Variants in PARD3B observed in about 807,000 individuals in gnomAD.
PARD3B encodes par-3 family cell polarity regulator beta.
A neutral mutation model predicts 130.2 loss-of-function variants in PARD3B; 103 were observed. The observed-to-expected ratio is 0.79, with a 90% CI of 0.67 to 0.93. PARD3B has a LOEUF of 0.93. Among genes scored for constraint, PARD3B ranks in the 40% least tolerant of loss-of-function variants. The pLI is 0.00. For synonymous variants in PARD3B, 583 were observed against 553.2 expected (o/e 1.05, Z -0.76); for missense variants, 1,609 against 1,499.2 (o/e 1.07, Z -1.21).
intron 18 of PARD3B, among the ~76,000 whole-genome samples, chr2:205,374,095 G>T (rs753555361): frequency 6.7e-6 from 1 of 150,224 alleles, no homozygotes; most frequent in Non-Finnish European, 1.5e-5. Flanking sequence ...ATAGAGGTTT[G>T]AAAGCAAAAG....
chr2:204,867,045 G>A (rs1421522163), intron 2 of PARD3B, among the ~76,000 whole-genome samples: 1 of 151,742 alleles, frequency 6.6e-6, no homozygotes, highest in Non-Finnish European at 1.5e-5. Context: ...GTCCAGCCTG[G>A]GCAATGATAG....
intron 1 of PARD3B, among the ~76,000 whole-genome samples, chr2:204,614,420 C>A (rs1271691446): frequency 6.6e-6 from 1 of 152,064 alleles, no homozygotes; most frequent in African/African-American, 2.4e-5. Flanking sequence ...TGACTAGTCA[C>A]CACCATGTGG....
At chr2:204,900,942 T>C (rs1182785610) in intron 2 of PARD3B, among the ~76,000 whole-genome samples, 3 of 152,174 alleles carry the variant, frequency 2.0e-5, no homozygotes, top group Non-Finnish European at 4.4e-5. Context: ...GCAGGGACTC[T>C]TTCTCTTCCC....
At chr2:205,204,382 G>T (rs1446589811) in intron 15 of PARD3B, among the ~76,000 whole-genome samples, 1 of 152,010 alleles carries the variant, frequency 6.6e-6, no homozygotes, top group African/African-American at 2.4e-5. Flanking sequence ...GCAAAAATTT[G>T]TTCCCATTCT....
At chr2:205,041,216 C>G (rs535758057) in intron 3 of PARD3B, among the ~76,000 whole-genome samples, 1 of 152,228 alleles carries the variant, frequency 6.6e-6, no homozygotes, top group South Asian at 2.1e-4. Flanking sequence ...GCTTCATATT[C>G]ATCTTTGTGA....
chr2:205,494,343 C>CACCT (rs879452679), intron 20 of PARD3B, among the ~76,000 whole-genome samples: 1 of 152,046 alleles, frequency 6.6e-6, no homozygotes, highest in Non-Finnish European at 1.5e-5. Flanking sequence ...TGGTAGTGAC[C>CACCT]ACCTCCCTCT....
intron 16 of PARD3B, among the ~76,000 whole-genome samples, chr2:205,250,660 G>T (rs1401766632): frequency 1.3e-5 from 2 of 152,126 alleles, no homozygotes; most frequent in African/African-American, 4.8e-5. Flanking sequence ...TGGGCATGGT[G>T]GCTCACACCT....
chr2:205,441,130 T>C (rs1012705177), intron 20 of PARD3B, among the ~76,000 whole-genome samples: 2 of 152,098 alleles, frequency 1.3e-5, no homozygotes, highest in Non-Finnish European at 2.9e-5. Context: ...CTTTGAAAAG[T>C]AAGATGGGGG....
chr2:204,898,376 T>C (rs1559238863), intron 2 of PARD3B, among the ~76,000 whole-genome samples: 1 of 152,124 alleles, frequency 6.6e-6, no homozygotes, highest in Non-Finnish European at 1.5e-5. Context: ...TGTTGTGCTA[T>C]CAAATACTAG....
chr2:204,706,288 A>G (rs937563345), intron 2 of PARD3B, among the ~76,000 whole-genome samples: 4 of 151,244 alleles, frequency 2.6e-5, no homozygotes, highest in Admixed American at 2.0e-4. Flanking sequence ...AATCGCTTGA[A>G]CCTAGGAGGC....
intron 2 of PARD3B, among the ~76,000 whole-genome samples, chr2:204,892,533 A>G (rs1256697942): frequency 3.9e-5 from 6 of 152,186 alleles, no homozygotes; most frequent in Admixed American, 3.9e-4. Context: ...ACACACATGG[A>G]TTTTGAAGAT....
intron 2 of PARD3B, among the ~76,000 whole-genome samples, chr2:204,928,764 C>T (rs1687819651): frequency 6.6e-6 from 1 of 152,072 alleles, no homozygotes; most frequent in East Asian, 1.9e-4. Flanking sequence ...TTCTTTCATA[C>T]TTCTTTCTGA....
chr2:204,752,837 A>T (rs554960221), intron 2 of PARD3B, among the ~76,000 whole-genome samples: 30 of 152,204 alleles, frequency 2.0e-4, no homozygotes, highest in African/African-American at 6.7e-4. Flanking sequence ...TGTAGCATGG[A>T]TTCTTTTTAG....
At chr2:204,594,148 A>G (rs557555842) in intron 1 of PARD3B, among the ~76,000 whole-genome samples, 1 of 152,294 alleles carries the variant, frequency 6.6e-6, no homozygotes, top group Non-Finnish European at 1.5e-5. Context: ...GGTTATCTTC[A>G]TTGATACTTG....
chr2:205,066,585 C>T (rs1370271197), intron 4 of PARD3B, among the ~76,000 whole-genome samples: 1 of 152,080 alleles, frequency 6.6e-6, no homozygotes, highest in Admixed American at 6.6e-5. Flanking sequence ...TTACCAGGGA[C>T]AGTTTCTTCA....
At chr2:205,380,271 T>TCA (rs1553498589) in intron 18 of PARD3B, among the ~76,000 whole-genome samples, 1 of 10,008 alleles carries the variant, frequency 1.0e-4, no homozygotes, top group Non-Finnish European at 2.2e-4. Flanking sequence ...AGAATATATA[T>TCA]TATATAATAT....
Position 205,176,396 on chromosome 2 carries a change from G to A in PARD3B, c.1792-49G>A, listed in dbSNP as rs2035470317. ...CTTTCACTTTGCTTCAACTGACCAA[G>A]TTGGAACATATTAAAAATGCAAATG... is the stretch of plus-strand genomic sequence containing the variant. On this transcript the variant is annotated intron_variant, in intron 12 of 22. Transcript: ENST00000406610. The surrounding 1 kb of genome is among the most constrained non-coding windows in gnomAD (Gnocchi z 5.3). The A allele has an allele frequency of 1.3e-6, 2 of 1,535,736 alleles. No homozygotes were observed. The highest frequency in any genetic ancestry group is 3.8e-5 in the Admixed American group (2 of 52,024).
At chr2:204,731,071 A>C (rs1048922800) in intron 2 of PARD3B, among the ~76,000 whole-genome samples, 12 of 152,196 alleles carry the variant, frequency 7.9e-5, no homozygotes, top group Admixed American at 2.0e-4. Flanking sequence ...GGTTGATTAC[A>C]ATGTGATGCT....
At chr2:204,934,469 G>A (rs1688260464) in intron 2 of PARD3B, among the ~76,000 whole-genome samples, 1 of 152,258 alleles carries the variant, frequency 6.6e-6, no homozygotes, top group East Asian at 1.9e-4. Context: ...TTTCAGATAT[G>A]CACCTAATAA....
Sources: allele counts gnomAD v4.1 joint callset (sites outside exome capture counted in the v4.1 genomes callset), GRCh38; gene constraint gnomAD v4.1.1; non-coding constraint Gnocchi (gnomAD v3.1); transcripts MANE v1.5; gene names NCBI Gene and HGNC (gene_info 2026-07-23, HGNC 2026-07-21).